ARL6IP4: variants seen among roughly 807,000 people sequenced by gnomAD.
The protein encoded by ARL6IP4 is ADP-ribosylation factor-like protein 6-interacting protein 4.
In ARL6IP4, 24 loss-of-function variants were observed where a neutral mutation model predicts 28.1. The ratio of observed to expected loss-of-function variants is 0.86; its 90% CI spans 0.62 to 1.20. The LOEUF is 1.20. ARL6IP4 is among the 50% of genes most tolerant of loss of function. The probability of loss-of-function intolerance (pLI) is 0.00; values close to 1 mark genes in which losing one functional copy is unlikely to be tolerated. For missense variants in ARL6IP4, 343 were observed against 302.4 expected (o/e 1.13, Z -1.00); for synonymous variants, 162 against 122.3 (o/e 1.32, Z -2.14).
Position 122,982,872 on chromosome 12 carries a change from G to A in ARL6IP4, c.*196G>A. 1.6e-6 allele frequency: 1 copy of A among 620,816 alleles called. No homozygotes were observed. The allele number at this position is 620,816 out of a possible 1,614,324, so 38.5% of individuals were successfully genotyped here. ...CTGCTTGGCACCCCCATCTGAAAGA[G>A]CAGCACTTCTCAGCTATTAAAGGCC... On this transcript the variant is annotated 3_prime_UTR_variant, in exon 6 of 6. Coordinates refer to ENST00000315580, the MANE Select transcript of ARL6IP4 (RefSeq NM_018694.4).
chr12:122,981,819 C>T lies in ARL6IP4; in HGVS notation c.409C>T (p.Leu137=). The T allele has an allele frequency of 1.9e-6, 3 of 1,607,008 alleles. No homozygotes were observed. The highest frequency in any genetic ancestry group is 2.2e-5 in the South Asian group (2 of 89,968). The change falls in exon 3 of 6, where the codon CTG becomes TTG. Residue 137 remains leucine (L), a synonymous_variant. Coordinates refer to ENST00000315580, the MANE Select transcript of ARL6IP4 (RefSeq NM_018694.4). ...GGCGGAAGCACAGCAGGTGGAGGCT[C>T]TGCCGGGCCCCTCGCTGGACCAGTG... ...EKAEAQQVEA[L]PGPSLDQWHR...
At chr12:122,980,680 C>T (rs1302843629), upstream of ARL6IP4, 7 of 1,347,666 alleles carry the variant, frequency 5.2e-6, no homozygotes, top group Non-Finnish European at 6.6e-6. Flanking sequence ...CGGCCGGAAG[C>T]CTCCTCGCCG....
chr12:122,982,025 C>T lies in ARL6IP4; in HGVS notation c.538C>T (p.Arg180Trp), dbSNP rs141764091. Residue 180 changes from arginine to tryptophan, a missense_variant, in exon 4 of 6, where the codon CGG becomes TGG. Physicochemically the swap from Arg to Trp is moderately radical, Grantham distance 101 (BLOSUM62 -3). Coordinates refer to ENST00000315580, the MANE Select transcript of ARL6IP4 (RefSeq NM_018694.4). ...CATGACCAAGGAGGAGTGGGATGCCCGGCAGAGCATCATCCGCAAGGTGGT... is the reference window on the plus strand; with the variant it reads ...CATGACCAAGGAGGAGTGGGATGCCTGGCAGAGCATCATCCGCAAGGTGGT... ...KPMTKEEWDARQSIIRKVVDP... is the reference protein window; with the variant it reads ...KPMTKEEWDAWQSIIRKVVDP... 24 of 1,613,502 alleles carry T rather than the reference C, an allele frequency of 1.5e-5. No individual in the cohort carries two copies. Among genetic ancestry groups the T allele is most frequent in the East Asian group, 2.2e-5 (1 of 44,888 alleles).
At chr12:122,980,605 G>A, upstream of ARL6IP4, 1 of 1,410,200 alleles carries the variant, frequency 7.1e-7, no homozygotes, top group Non-Finnish European at 9.2e-7. Flanking sequence ...GACGGAACCT[G>A]GGGCGTCAGA....
At chr12:122,981,523 G>T in intron 2 of ARL6IP4, 48 bp from the exon 3 acceptor site, 1 of 1,480,788 alleles carries the variant, frequency 6.8e-7, no homozygotes, top group Admixed American at 2.1e-5. Context: ...CCTGCCCCAG[G>T]CCAGAGCAGG....
intron 1 of ARL6IP4, 172 bp from the exon 2 acceptor site, chr12:122,980,957 G>A: frequency 1.4e-6 from 2 of 1,386,646 alleles, no homozygotes; most frequent in Middle Eastern, 4.7e-4. Flanking sequence ...ACTGGAGTCG[G>A]CGGAGAAAAC....
chr12:122,981,513 C>T (rs899904168), intron 2 of ARL6IP4, 58 bp from the exon 3 acceptor site: 1 of 1,462,674 alleles, frequency 6.8e-7, no homozygotes, highest in Non-Finnish European at 9.1e-7. Flanking sequence ...CCGGTCTGTG[C>T]CTGCCCCAGG....
At position 122,981,553 on chromosome 12, in the gene ARL6IP4, C is replaced by T; in HGVS notation, c.161-18C>T. The T allele has an allele frequency of 2.0e-6, 3 of 1,527,004 alleles. No individual in the cohort carries two copies. Among genetic ancestry groups the T allele is most frequent in the Non-Finnish European group, 2.6e-6 (3 of 1,137,844 alleles). 94.6% of individuals were successfully genotyped at this position (1,527,004 alleles called of 1,614,324 possible). On this transcript the variant is annotated intron_variant, in intron 2 of 5. Coordinates refer to ENST00000315580, the MANE Select transcript of ARL6IP4 (RefSeq NM_018694.4). ...AGCAGGGGACGAAGGTTTACCTCTTCCCCTCCTGGCCTTCCAGCCTCACCT... is the reference window on the plus strand; with the variant it reads ...AGCAGGGGACGAAGGTTTACCTCTTTCCCTCCTGGCCTTCCAGCCTCACCT...
chr12:122,982,771 C>G lies in ARL6IP4; in HGVS notation c.*95C>G, dbSNP rs927448226. The G allele has an allele frequency of 2.2e-6, 3 of 1,333,832 alleles. No homozygotes were observed. In the East Asian group the frequency reaches 7.1e-5, roughly 32 times the overall value. 82.6% of individuals were successfully genotyped at this position (1,333,832 alleles called of 1,614,324 possible). Reference sequence around the variant, plus strand: ...GGGAAGCCTGATGGGTGCTGGTGGCCTTTCCCCCGTGGATTGGTCTCTGGC... The same window carrying G: ...GGGAAGCCTGATGGGTGCTGGTGGCGTTTCCCCCGTGGATTGGTCTCTGGC... On this transcript the variant is annotated 3_prime_UTR_variant, in exon 6 of 6. Transcript: ENST00000315580.
chr12:122,982,722 C>G lies in ARL6IP4; in HGVS notation c.*46C>G, dbSNP rs775149968. 6.3e-7 allele frequency: 1 copy of G among 1,592,838 alleles called. No individual in the cohort carries two copies. Among genetic ancestry groups the G allele is most frequent in the Non-Finnish European group, 8.6e-7 (1 of 1,164,848 alleles). ...CTGTGGACGACGCTGGCGGCCCAGC[C>G]TGGGCAGGTTTCAGGGTGCCAGTGG... On this transcript the variant is annotated 3_prime_UTR_variant, in exon 6 of 6. Coordinates refer to ENST00000315580, the MANE Select transcript of ARL6IP4 (RefSeq NM_018694.4).
intron 1 of ARL6IP4, 45 bp downstream of exon 1, chr12:122,980,790 C>A: frequency 7.7e-7 from 1 of 1,302,956 alleles, no homozygotes; most frequent in South Asian, 2.4e-5. Flanking sequence ...GCGGCGAGGC[C>A]GCGAAGGGCG....
rs1425492713 is a variant in ARL6IP4, at chr12:122,981,166, C to T, written c.27C>T (p.Arg9=). The part of the protein sequence containing the change: MAHVGSRK[R]SRSRSRSRGR... Reference sequence around the variant, plus strand: ...TGGCTCACGTCGGCTCCCGCAAGCGCTCGAGGAGTCGCAGCCGGTCCCGGG... The same window carrying T: ...TGGCTCACGTCGGCTCCCGCAAGCGTTCGAGGAGTCGCAGCCGGTCCCGGG... The change falls in exon 2 of 6, where the codon CGC becomes CGT. Residue 9 remains arginine (R), a synonymous_variant. Transcript: ENST00000315580. 6.5e-7 allele frequency: 1 copy of T among 1,549,510 alleles called. No homozygotes were observed. The highest frequency in any genetic ancestry group is 1.2e-5 in the South Asian group (1 of 84,018).
Position 122,982,600 on chromosome 12 carries a change from C to T in ARL6IP4, c.658-20C>T, listed in dbSNP as rs774647541. 7 of 1,614,056 alleles carry T rather than the reference C, an allele frequency of 4.3e-6. No individual in the cohort carries two copies. Among genetic ancestry groups the T allele is most frequent in the Non-Finnish European group, 5.9e-6 (7 of 1,180,034 alleles). The stretch of plus-strand genomic sequence containing the variant: ...CTCTGTTTGTGATGTACCCCTCCTC[C>T]TGTGTGCTTTCTTCCCCAGCAAGCC... On this transcript the variant is annotated intron_variant, in intron 5 of 5. Coordinates refer to ENST00000315580, the MANE Select transcript of ARL6IP4 (RefSeq NM_018694.4).
At position 122,981,680 on chromosome 12, in the gene ARL6IP4, CTCG is replaced by C; in HGVS notation, c.273_275del (p.Ser98del). On this transcript the variant is annotated inframe_deletion, in exon 3 of 6. Coordinates refer to ENST00000315580, the MANE Select transcript of ARL6IP4 (RefSeq NM_018694.4). ...GTTCTTCTAGCTCCTCTTCTTCCTC[CTCG>C]TCCTCCTCCTCTTCCTCCAGTGATG... 1 of 1,553,858 alleles carries C rather than the reference CTCG, an allele frequency of 6.4e-7. No homozygotes were observed. Among genetic ancestry groups the C allele is most frequent in the South Asian group, 1.2e-5 (1 of 84,494 alleles).
chr12:122,981,270 G>T lies in ARL6IP4; in HGVS notation c.131G>T (p.Arg44Leu), dbSNP rs1322788796. 1 of 1,549,406 alleles carries T rather than the reference G, an allele frequency of 6.5e-7. No individual in the cohort carries two copies. The highest frequency in any genetic ancestry group is 2.5e-5 in the East Asian group (1 of 40,700). ...TGCTCGGCCTCCACATCCCAAGGTC[G>T]CAAGGCCAGCACGGCCCCTGGGGCG... ...RNCSASTSQG[R>L]KASTAPGAEA... Residue 44 changes from arginine (R) to leucine (L), a missense_variant, in exon 2 of 6, where the codon CGC (arginine) becomes CTC (leucine). Arg to Leu is a moderately radical substitution (Grantham distance 102, BLOSUM62 -2). Transcript: ENST00000315580.
chr12:122,980,463 TG>T (rs750949380), upstream of ARL6IP4: 1 of 1,360,224 alleles, frequency 7.4e-7, no homozygotes, highest in Non-Finnish European at 9.5e-7. Context: ...ACCGGGGGCG[TG>T]GGTGCTGCGG....
chr12:122,980,268 C>G (rs1426717077), upstream of ARL6IP4: 1 of 1,247,888 alleles, frequency 8.0e-7, no homozygotes, highest in African/African-American at 1.5e-5. Context: ...GCCTGGGGTC[C>G]ATGCCCGCGC....
intron 1 of ARL6IP4, 170 bp downstream of exon 1, chr12:122,980,915 G>A: frequency 7.4e-7 from 1 of 1,358,978 alleles, no homozygotes; most frequent in Non-Finnish European, 9.4e-7. Context: ...CTCCGGGCAC[G>A]GGGCGGGCCC....
rs751613647 is a variant in ARL6IP4 at position 122,981,963 on chromosome 12, C to T, written c.476C>T (p.Thr159Met). Residue 159 changes from threonine to methionine, a missense_variant, in exon 4 of 6, where the codon ACG (threonine) becomes ATG (methionine). Transcript: ENST00000315580. ...AGEEEDGPVLTDEQKSRIQAM... is the reference protein window; with the variant it reads ...AGEEEDGPVLMDEQKSRIQAM... ...CCTCCGTCTTCCCTTCCAGTCCTGA[C>T]GGATGAGCAGAAGTCCCGAATCCAG... 10 of 1,613,580 alleles carry T rather than the reference C, an allele frequency of 6.2e-6. No homozygotes were observed. The East Asian group carries it at 1.1e-4, about 18-fold the overall frequency.
Sources: gnomAD v4.1 joint callset for allele counts on GRCh38, gnomAD v4.1.1 for gene constraint, MANE v1.5 for transcripts, NCBI Gene and HGNC (gene_info 2026-07-23, HGNC 2026-07-21) for gene names.